The following SATL1 variants were observed in gnomAD, a reference collection of about 807,000 sequenced individuals.
SATL1 encodes the protein spermidine/spermine N(1)-acetyltransferase-like protein 1.
Under a neutral mutation model 51.8 loss-of-function variants are expected in SATL1, and 47 were observed. That is an observed-to-expected ratio of 0.91 (90% CI 0.72 to 1.16). The LOEUF (loss-of-function observed/expected upper bound fraction) is 1.16. Among genes scored for constraint, SATL1 ranks in the 50% most tolerant of loss-of-function variants. SATL1 has a pLI of 0.00. For synonymous variants in SATL1, 176 were observed against 182.4 expected (o/e 0.97, Z 0.28); for missense variants, 520 against 526.4 (o/e 0.99, Z 0.12).
intron 1 of SATL1, among the ~76,000 whole-genome samples, chrX:85,235,347 C>T (rs1230470396): frequency 9.0e-6 from 1 of 111,067 alleles, no homozygotes; most frequent in African/African-American, 3.3e-5. Context: ...GCACTATAGA[C>T]CAAATGAACC....
At chrX:85,239,089 G>T (rs1211731387) in intron 1 of SATL1, among the ~76,000 whole-genome samples, 1 of 110,231 alleles carries the variant, frequency 9.1e-6, no homozygotes, top group African/African-American at 3.3e-5. Context: ...TTGATCTCAT[G>T]TTAAGTGTTC....
chrX:85,166,571 A>G (rs1375960858), intron 2 of SATL1, among the ~76,000 whole-genome samples: 1 of 111,632 alleles, frequency 9.0e-6, no homozygotes, highest in East Asian at 2.8e-4. Flanking sequence ...CAAAACCACA[A>G]TGTGATACCA....
chrX:85,111,199 A>G (rs1005166284), intron 2 of SATL1, among the ~76,000 whole-genome samples: 1 of 113,043 alleles, frequency 8.8e-6, no homozygotes, highest in Non-Finnish European at 1.9e-5. Flanking sequence ...TGATGTCTTT[A>G]ATAAGTAAAG....
chrX:85,138,469 T>TC (rs1448208821), intron 2 of SATL1, among the ~76,000 whole-genome samples: 1 of 111,450 alleles, frequency 9.0e-6, no homozygotes, highest in Non-Finnish European at 1.9e-5. Context: ...AGTGTGAGAG[T>TC]CCCCCTAAGA....
intron 2 of SATL1, among the ~76,000 whole-genome samples, chrX:85,131,654 G>A (rs192533533): frequency 0.038 from 4,188 of 110,979 alleles, 219 homozygotes; most frequent in African/African-American, 0.13. Flanking sequence ...TTACATTTAA[G>A]GTTAATATTG....
intron 2 of SATL1, among the ~76,000 whole-genome samples, chrX:85,200,641 A>G (rs1305175358): frequency 9.0e-6 from 1 of 111,296 alleles, no homozygotes; most frequent in East Asian, 2.8e-4. Flanking sequence ...ATTCCACTAA[A>G]TTTTGTGTTC....
intron 2 of SATL1, among the ~76,000 whole-genome samples, chrX:85,182,538 G>A (rs886423804): frequency 2.0e-4 from 22 of 111,683 alleles, no homozygotes; most frequent in Admixed American, 5.7e-4. Flanking sequence ...CGTGAATAGT[G>A]CTTCAGTAAA....
At chrX:85,201,395 G>A (rs773308289) in intron 2 of SATL1, among the ~76,000 whole-genome samples, 1 of 110,976 alleles carries the variant, frequency 9.0e-6, no homozygotes, top group African/African-American at 3.3e-5. Flanking sequence ...GTGTGCCACT[G>A]TATACCCTGA....
chrX:85,186,812 G>A (rs1490360806), intron 2 of SATL1, among the ~76,000 whole-genome samples: 1 of 111,835 alleles, frequency 8.9e-6, no homozygotes, highest in African/African-American at 3.3e-5. Flanking sequence ...TTGTTCACCT[G>A]ATTTCTGGGT....
intron 2 of SATL1, among the ~76,000 whole-genome samples, chrX:85,218,393 CT>C (rs1323170226): frequency 9.0e-6 from 1 of 111,487 alleles, no homozygotes; most frequent in Non-Finnish European, 1.9e-5. Context: ...GACATGTTTC[CT>C]TATGGTCCCT....
chrX:85,164,849 C>T (rs774238404), intron 2 of SATL1, among the ~76,000 whole-genome samples: 143 of 109,115 alleles, frequency 1.3e-3, no homozygotes, highest in African/African-American at 4.5e-3. Context: ...CTCAGCCTCC[C>T]GAGTAGCTGG....
intron 2 of SATL1, among the ~76,000 whole-genome samples, chrX:85,166,996 G>A (rs899395366): frequency 2.1e-4 from 22 of 103,198 alleles, no homozygotes; most frequent in African/African-American, 7.1e-4. Flanking sequence ...TGGTATAAAG[G>A]TGTGTGTATA....
intron 2 of SATL1, among the ~76,000 whole-genome samples, chrX:85,134,348 C>T (rs1429515738): frequency 9.0e-6 from 1 of 111,419 alleles, no homozygotes; most frequent in African/African-American, 3.3e-5. Context: ...GGAGAATGTA[C>T]AACCTTGCAG....
chrX:85,151,173 C>T (rs1159661676), intron 2 of SATL1, among the ~76,000 whole-genome samples: 3 of 109,564 alleles, frequency 2.7e-5, no homozygotes, highest in Admixed American at 9.8e-5. Context: ...ACACCAATAA[C>T]AGACAAACGG....
chrX:85,240,866 C>T (rs1299884257), intron 1 of SATL1, among the ~76,000 whole-genome samples: 5 of 109,538 alleles, frequency 4.6e-5, no homozygotes, highest in Non-Finnish European at 9.5e-5. Context: ...CCTCGTGATC[C>T]GCCCGCCTCG....
chrX:85,208,802 T>C (rs992678209), intron 2 of SATL1: 3 of 111,930 alleles, frequency 2.7e-5, no homozygotes, highest in Non-Finnish European at 5.6e-5. Flanking sequence ...TATTAGCCCT[T>C]TGTCACATGT....
intron 2 of SATL1, among the ~76,000 whole-genome samples, chrX:85,131,411 T>C (rs1400908992): frequency 9.0e-6 from 1 of 111,699 alleles, no homozygotes; most frequent in Non-Finnish European, 1.9e-5. Context: ...ATGGCCTTCT[T>C]TGTCTCTTTT....
chrX:85,187,306 CTTTA>C (rs1475907289), intron 2 of SATL1, among the ~76,000 whole-genome samples: 1 of 111,236 alleles, frequency 9.0e-6, no homozygotes, highest in African/African-American at 3.3e-5. Context: ...TTTGGATGCC[CTTTA>C]TTTATTTTTT....
chrX:85,183,835 T>C (rs1927258390), intron 2 of SATL1, among the ~76,000 whole-genome samples: 1 of 111,282 alleles, frequency 9.0e-6, no homozygotes, highest in Admixed American at 9.6e-5. Context: ...ATCTGATAAG[T>C]TATTGTTGAC....
Sources: allele counts gnomAD v4.1 joint callset (sites outside exome capture counted in the v4.1 genomes callset), GRCh38; gene constraint gnomAD v4.1.1; transcripts MANE v1.5; gene names NCBI Gene and HGNC (gene_info 2026-07-23, HGNC 2026-07-21).